ACYP2: variants seen among roughly 807,000 people sequenced by gnomAD.
ACYP2 encodes the protein acylphosphatase 2.
Under a neutral mutation model 11.2 loss-of-function variants are expected in ACYP2, and 12 were observed. The ratio of observed to expected loss-of-function variants is 1.08; its 90% CI spans 0.69 to 1.74. ACYP2 has a LOEUF of 1.74. Among genes scored for constraint, ACYP2 ranks in the 40% most tolerant of loss-of-function variants. The pLI is 0.00. For synonymous variants in ACYP2, 43 were observed against 32.2 expected (o/e 1.33, Z -1.13); for missense variants, 134 against 101.9 (o/e 1.31, Z -1.35).
intron 4 of ACYP2, among the ~76,000 whole-genome samples, chr2:54,083,104 A>AT (rs5831289): frequency 0.38 from 56,799 of 151,454 alleles, 11,508 homozygotes; most frequent in East Asian, 0.71. Flanking sequence ...AATAGTCACT[A>AT]TTTCTCAGGA....
intron 6 of ACYP2, among the ~76,000 whole-genome samples, chr2:54,258,986 A>G (rs1687668503): frequency 6.6e-6 from 1 of 152,190 alleles, no homozygotes; most frequent in Admixed American, 6.5e-5. Context: ...TCAAAAACTA[A>G]TCCATTCCCA....
intron 2 of ACYP2, among the ~76,000 whole-genome samples, chr2:54,004,521 C>T (rs537122869): frequency 6.6e-6 from 1 of 150,798 alleles, no homozygotes; most frequent in African/African-American, 2.4e-5. Flanking sequence ...CACCATTCTC[C>T]TGCCTCAGCC....
At chr2:54,072,398 C>G (rs1677088900) in intron 4 of ACYP2, among the ~76,000 whole-genome samples, 1 of 151,086 alleles carries the variant, frequency 6.6e-6, no homozygotes, top group Non-Finnish European at 1.5e-5. Flanking sequence ...CTTCACCACT[C>G]CAGCTCTAGT....
rs1681409825 is a variant in ACYP2 at position 54,138,655 on chromosome 2, C to G, written c.311C>G (p.Ala104Gly). 13 of 1,613,750 alleles carry G rather than the reference C, an allele frequency of 8.1e-6. No individual in the cohort carries two copies. Among genetic ancestry groups the G allele is most frequent in the Non-Finnish European group, 1.0e-5 (12 of 1,179,848 alleles). The stretch of plus-strand genomic sequence containing the variant: ...CTGAAACAGTATACAGAAGATGAAG[C>G]TAGGAAAATAGGAGTGGTTGGCTGG... Residue 104 changes from alanine (A) to glycine (G), a missense_variant, in exon 6 of 7, where the codon GCT becomes GGT. By Grantham distance (60) the Ala-to-Gly change is moderately conservative. Transcript: ENST00000607452.
chr2:54,141,048 A>G (rs1002391866), intron 6 of ACYP2, among the ~76,000 whole-genome samples: 1 of 152,154 alleles, frequency 6.6e-6, no homozygotes, highest in Non-Finnish European at 1.5e-5. Flanking sequence ...GCATTTCTCT[A>G]ATGACTAGTA....
Position 54,220,124 on chromosome 2 carries a change from G to A in ACYP2, c.404+81376G>A, listed in dbSNP as rs79232104. Among the ~76,000 whole-genome samples, 82 of 151,580 alleles carry A rather than the reference G, an allele frequency of 5.4e-4. 2 individuals are homozygous for A. The East Asian group carries it at 0.015, about 28-fold the overall frequency. On this transcript the variant is annotated intron_variant, in intron 6 of 6. Coordinates refer to ENST00000607452, the MANE Select transcript of ACYP2 (RefSeq NM_001320586.2). ...GATATTTGATATTGTTACATTTGAG[G>A]CCCTGAGTTATAGAATAGTGAAGCT...
At chr2:54,141,879 C>G in intron 6 of ACYP2, 1 of 640,620 alleles carries the variant, frequency 1.6e-6, no homozygotes, top group Non-Finnish European at 2.9e-6. Context: ...GCTCTCTCTC[C>G]TAGGCTGGAG....
chr2:54,258,061 G>A (rs1010057533), intron 6 of ACYP2, among the ~76,000 whole-genome samples: 5 of 152,140 alleles, frequency 3.3e-5, no homozygotes, highest in Admixed American at 6.5e-5. Flanking sequence ...TACTCTTATA[G>A]GCCCTCTGGA....
chr2:54,091,792 G>A (rs185691210), intron 4 of ACYP2, among the ~76,000 whole-genome samples: 35 of 152,162 alleles, frequency 2.3e-4, no homozygotes, highest in South Asian at 1.2e-3. Flanking sequence ...GATTACAAGC[G>A]TCAGCCACTA....
intron 2 of ACYP2, among the ~76,000 whole-genome samples, chr2:54,013,546 C>A (rs1673511262): frequency 6.6e-6 from 1 of 151,782 alleles, no homozygotes; most frequent in Non-Finnish European, 1.5e-5. Context: ...GTGATCCACC[C>A]ACCTCGTCCT....
At chr2:54,187,080 A>G (rs1380805229) in intron 6 of ACYP2, among the ~76,000 whole-genome samples, 1 of 152,158 alleles carries the variant, frequency 6.6e-6, no homozygotes, top group Admixed American at 6.6e-5. Flanking sequence ...AATTTCCAAG[A>G]ATTCTTCACA....
At chr2:54,140,967 T>C (rs1176053825) in intron 6 of ACYP2, among the ~76,000 whole-genome samples, 1 of 152,206 alleles carries the variant, frequency 6.6e-6, no homozygotes, top group African/African-American at 2.4e-5. Flanking sequence ...CTGTCAGCAA[T>C]TGGTATTGTA....
chr2:54,250,079 T>C (rs1255237646), intron 6 of ACYP2, among the ~76,000 whole-genome samples: 1 of 152,136 alleles, frequency 6.6e-6, no homozygotes, highest in Non-Finnish European at 1.5e-5. Flanking sequence ...TTTTATGCTC[T>C]AGATTTTAGT....
intron 6 of ACYP2, among the ~76,000 whole-genome samples, chr2:54,149,191 G>A (rs1055439446): frequency 3.9e-5 from 6 of 152,236 alleles, no homozygotes; most frequent in African/African-American, 1.4e-4. Context: ...GCAGAAATCT[G>A]AATTAAATTG....
At chr2:54,203,695 G>A (rs1684949859) in intron 6 of ACYP2, among the ~76,000 whole-genome samples, 1 of 152,136 alleles carries the variant, frequency 6.6e-6, no homozygotes, top group East Asian at 1.9e-4. Flanking sequence ...TGCTTTTTCT[G>A]CATCTGTTAA....
intron 2 of ACYP2, among the ~76,000 whole-genome samples, chr2:53,992,027 C>T (rs186454504): frequency 2.2e-4 from 33 of 151,632 alleles, no homozygotes; most frequent in African/African-American, 8.0e-4. Flanking sequence ...CCCCTCTTTC[C>T]CTCCTTCCTT....
intron 2 of ACYP2, among the ~76,000 whole-genome samples, chr2:54,020,830 A>G (rs941256650): frequency 6.6e-6 from 1 of 152,346 alleles, no homozygotes; most frequent in South Asian, 2.1e-4. Flanking sequence ...CTATGTTGCA[A>G]ATTTTAATTT....
chr2:54,272,083 T>C (rs1392172323), intron 6 of ACYP2, among the ~76,000 whole-genome samples: 2 of 152,286 alleles, frequency 1.3e-5, no homozygotes, highest in African/African-American at 4.8e-5. Context: ...TTTTCATGGA[T>C]CAAGCACCAT....
intron 2 of ACYP2, among the ~76,000 whole-genome samples, chr2:54,003,383 C>A (rs1672895613): frequency 6.6e-6 from 1 of 152,192 alleles, no homozygotes. Flanking sequence ...CCTCAGCCTC[C>A]TGAGTAGCTG....
Sources: gnomAD v4.1 joint callset for allele counts (sites outside exome capture counted in the v4.1 genomes callset) on GRCh38, gnomAD v4.1.1 for gene constraint, MANE v1.5 for transcripts, NCBI Gene and HGNC (gene_info 2026-07-23, HGNC 2026-07-21) for gene names.